Variants in PCDHA3 observed in about 807,000 individuals in gnomAD.
The protein encoded by PCDHA3 is protocadherin alpha 3, also known as protocadherin alpha-3.
In PCDHA3, 41 loss-of-function variants were observed where a neutral mutation model predicts 62.2. That is an observed-to-expected ratio of 0.66 (90% confidence interval 0.51 to 0.86). The LOEUF (loss-of-function observed/expected upper bound fraction) is 0.86, where lower values mean the gene tolerates loss of function less well. Ranked by LOEUF, PCDHA3 falls within the 40% of genes least tolerant of loss-of-function variation. The probability of loss-of-function intolerance (pLI) is 0.00; values close to 1 mark genes in which losing one functional copy is unlikely to be tolerated. For synonymous variants in PCDHA3, 640 were observed against 555.4 expected (o/e 1.15, Z -2.14); for missense variants, 1,304 against 1,241.2 (o/e 1.05, Z -0.76).
intron 1 of PCDHA3, among the ~76,000 whole-genome samples, chr5:140,906,130 C>T (rs1554192409): frequency 6.6e-6 from 1 of 152,112 alleles, no homozygotes; most frequent in African/African-American, 2.4e-5. Flanking sequence ...AAATGTTAGT[C>T]TCCTTTGATA....
At position 140,808,984 on chromosome 5, in the gene PCDHA3, T is replaced by C. The variant is rs17844281; in HGVS notation, c.2394+5393T>C. 2.5e-4 allele frequency: 399 copies of C among 1,613,658 alleles called. No individual in the cohort carries two copies. In the East Asian group the frequency reaches 8.1e-3, roughly 33 times the overall value. On this transcript the variant is annotated intron_variant, in intron 1 of 3. Transcript: ENST00000522353. ...TGGCAAAGGTGCGCGCGGTGGATGC[T>C]GACTCGGGCTACAACGCGTGGCTTT...
chr5:140,876,774 G>A lies in PCDHA3; in HGVS notation c.2394+73183G>A, dbSNP rs370558767. 5.3e-5 allele frequency: 85 copies of A among 1,614,110 alleles called. No homozygotes were observed. The South Asian group carries it at 8.5e-4, about 16-fold the overall frequency. ...CTGCGCGGGATGGGGGCTCGCCTTC[G>A]CTGTGGGCCACGGCTAGAGTGTCCG... is the stretch of plus-strand genomic sequence containing the variant. On this transcript the variant is annotated intron_variant, in intron 1 of 3. Coordinates refer to ENST00000522353, the MANE Select transcript of PCDHA3 (RefSeq NM_018906.3).
chr5:140,826,328 TAAGAAA>T (rs1768900003), intron 1 of PCDHA3, among the ~76,000 whole-genome samples: 1 of 152,204 alleles, frequency 6.6e-6, no homozygotes, highest in Non-Finnish European at 1.5e-5. Context: ...TGTTTTTGGT[TAAGAAA>T]TTGAACCCTT....
rs529252017 is a variant in PCDHA3, at chr5:140,801,485, C to T, written c.288C>T (p.Cys96=). ...CTCGGATAGACCGCGAGGAACTGTGCGGGCGGAGCGCGGAGTGCAGCATCC... is the reference window on the plus strand; with the variant it reads ...CTCGGATAGACCGCGAGGAACTGTGTGGGCGGAGCGCGGAGTGCAGCATCC... The part of the protein sequence containing the change: ...VNSRIDREEL[C]GRSAECSIHL... Residue 96 remains cysteine, a synonymous_variant, in exon 1 of 4, where the codon TGC becomes TGT. Coordinates refer to ENST00000522353, the MANE Select transcript of PCDHA3 (RefSeq NM_018906.3). 1.1e-5 allele frequency: 18 copies of T among 1,614,078 alleles called. No homozygotes were observed. The South Asian group carries it at 1.9e-4, about 17-fold the overall frequency.
At chr5:140,826,886 C>A (rs1769095923) in intron 1 of PCDHA3, among the ~76,000 whole-genome samples, 1 of 151,996 alleles carries the variant, frequency 6.6e-6, no homozygotes, top group African/African-American at 2.4e-5. Context: ...GAAAGCTGTA[C>A]TCATAAAGAT....
At chr5:140,882,062 T>G (rs78484684) in intron 1 of PCDHA3, 9 of 812,456 alleles carry the variant, frequency 1.1e-5, no homozygotes, top group Non-Finnish European at 1.5e-5. Flanking sequence ...CACTTACACG[T>G]TCATGCGCAT....
chr5:140,998,195 A>C (rs1409926168), intron 3 of PCDHA3, among the ~76,000 whole-genome samples: 6 of 152,164 alleles, frequency 3.9e-5, no homozygotes, highest in African/African-American at 1.2e-4. Flanking sequence ...ACAAGTATTA[A>C]CTCCTTTAAT....
chr5:140,941,462 C>T (rs1323217881), intron 1 of PCDHA3, among the ~76,000 whole-genome samples: 1 of 150,980 alleles, frequency 6.6e-6, no homozygotes, highest in Non-Finnish European at 1.5e-5. Context: ...ATTACAGGCG[C>T]CCACCACCAC....
chr5:140,860,155 A>G (rs1159738413), intron 1 of PCDHA3: 2 of 149,648 alleles, frequency 1.3e-5, no homozygotes, highest in African/African-American at 4.9e-5. Flanking sequence ...ATATATGTGT[A>G]TATATATATG....
At chr5:140,923,616 A>T (rs2081445050) in intron 1 of PCDHA3, among the ~76,000 whole-genome samples, 1 of 152,234 alleles carries the variant, frequency 6.6e-6, no homozygotes, top group African/African-American at 2.4e-5. Flanking sequence ...TTATCTGGTC[A>T]TCTTATCCAA....
At chr5:140,888,557 T>G (rs2153424359) in intron 1 of PCDHA3, among the ~76,000 whole-genome samples, 1 of 152,366 alleles carries the variant, frequency 6.6e-6, no homozygotes, top group East Asian at 1.9e-4. Flanking sequence ...TTTATTCCTT[T>G]CAAGGCTTCA....
chr5:140,851,679 C>A, intron 1 of PCDHA3: 1 of 915,664 alleles, frequency 1.1e-6, no homozygotes, highest in Non-Finnish European at 1.3e-6. Context: ...AAATTTTCTC[C>A]ATTCAGTGAT....
chr5:140,864,396 G>A (rs2048459702), intron 1 of PCDHA3: 1 of 152,210 alleles, frequency 6.6e-6, no homozygotes, highest in Non-Finnish European at 1.5e-5. Context: ...CACAAATGGT[G>A]ATGAGCAGGG....
At chr5:140,883,635 C>T (rs997170789) in intron 1 of PCDHA3, 1 of 1,613,182 alleles carries the variant, frequency 6.2e-7, no homozygotes, top group Non-Finnish European at 8.5e-7. Flanking sequence ...CCGGCGTTCG[C>T]GCAGCCCGAG....
intron 1 of PCDHA3, chr5:140,869,509 A>C (rs199564677): frequency 6.2e-7 from 1 of 1,614,206 alleles, no homozygotes; most frequent in Non-Finnish European, 8.5e-7. Flanking sequence ...GTTCTCGCTC[A>C]GAGAACAAAA....
chr5:140,928,664 G>A (rs186350151), intron 1 of PCDHA3: 2 of 1,614,214 alleles, frequency 1.2e-6, no homozygotes, highest in Non-Finnish European at 1.7e-6. Context: ...GCTGACAGTG[G>A]TTCTAATGCC....
At chr5:140,824,610 G>GTCT (rs1768191919) in intron 1 of PCDHA3, 1 of 95,104 alleles carries the variant, frequency 1.1e-5, no homozygotes, top group East Asian at 3.0e-4. Flanking sequence ...GCTAATTAAA[G>GTCT]TTTTTTTTTT....
chr5:140,884,684 T>C (rs2060315542), intron 1 of PCDHA3: 1 of 1,543,214 alleles, frequency 6.5e-7, no homozygotes. Flanking sequence ...TTTTAAAAAA[T>C]TGTCTTAGTA....
At chr5:140,950,976 A>G (rs543425095) in intron 1 of PCDHA3, among the ~76,000 whole-genome samples, 188 of 151,348 alleles carry the variant, frequency 1.2e-3, no homozygotes, top group African/African-American at 4.3e-3. Flanking sequence ...AGATTCATTG[A>G]CTTTTGCCTC....
Sources: gnomAD v4.1 joint callset for allele counts (sites outside exome capture counted in the v4.1 genomes callset) on GRCh38, gnomAD v4.1.1 for gene constraint, MANE v1.5 for transcripts, NCBI Gene and HGNC (gene_info 2026-07-23, HGNC 2026-07-21) for gene names.